ZHX2: variants seen among roughly 807,000 people sequenced by gnomAD.
ZHX2 encodes the protein zinc fingers and homeoboxes 2, also known as zinc fingers and homeoboxes protein 2.
In ZHX2, 6 loss-of-function variants were observed where a neutral mutation model predicts 21.9. That is an observed-to-expected ratio of 0.27 (90% CI 0.15 to 0.54). ZHX2 has a LOEUF of 0.54. ZHX2 is among the 20% of genes least tolerant of loss of function. ZHX2 has a pLI of 0.95. For missense variants in ZHX2, 908 were observed against 1,090.7 expected (o/e 0.83, Z 2.36); for synonymous variants, 434 against 437.1 (o/e 0.99, Z 0.09).
intron 1 of ZHX2, among the ~76,000 whole-genome samples, chr8:122,817,391 G>A (rs761182071): frequency 6.6e-6 from 1 of 152,168 alleles, no homozygotes; most frequent in African/African-American, 2.4e-5. Flanking sequence ...GCCGTATGAG[G>A]CACTAGGAAG....
intron 2 of ZHX2, among the ~76,000 whole-genome samples, chr8:122,869,651 G>C (rs2129681541): frequency 6.6e-6 from 1 of 152,316 alleles, no homozygotes; most frequent in South Asian, 2.1e-4. Context: ...CTGAGGCTCT[G>C]GTCTCCTCTC....
intron 2 of ZHX2, among the ~76,000 whole-genome samples, chr8:122,874,416 T>C (rs1185628719): frequency 6.6e-6 from 1 of 152,148 alleles, no homozygotes; most frequent in Admixed American, 6.5e-5. Flanking sequence ...TACTGCAACT[T>C]CCGCCTCCTG....
intron 2 of ZHX2, among the ~76,000 whole-genome samples, chr8:122,871,155 C>T (rs1819425235): frequency 6.6e-6 from 1 of 152,098 alleles, no homozygotes; most frequent in Non-Finnish European, 1.5e-5. Context: ...TTTAACTTTC[C>T]TGAGCCTCAG....
intron 1 of ZHX2, among the ~76,000 whole-genome samples, chr8:122,838,809 G>A (rs779301917): frequency 2.6e-5 from 4 of 151,946 alleles, no homozygotes; most frequent in Non-Finnish European, 5.9e-5. Flanking sequence ...ACTCCTGACC[G>A]CATGATCTGC....
intron 2 of ZHX2, among the ~76,000 whole-genome samples, chr8:122,914,534 G>A (rs981833897): frequency 7.9e-5 from 12 of 152,244 alleles, no homozygotes; most frequent in Middle Eastern, 3.4e-3. Context: ...CAAAATGCTC[G>A]CCCTGTCCCT....
chr8:122,911,402 G>A (rs1449829451), intron 2 of ZHX2, among the ~76,000 whole-genome samples: 2 of 152,188 alleles, frequency 1.3e-5, no homozygotes, highest in African/African-American at 4.8e-5. Flanking sequence ...CCATCATCAA[G>A]TGTGCCTGCC....
At chr8:122,832,256 A>G (rs146645606) in intron 1 of ZHX2, among the ~76,000 whole-genome samples, 2 of 152,272 alleles carry the variant, frequency 1.3e-5, no homozygotes, top group South Asian at 2.1e-4. Context: ...GACTTAGTAC[A>G]CTGCGGTGAG....
chr8:122,954,856 T>TC (rs1554589323), intron 3 of ZHX2, among the ~76,000 whole-genome samples: 22 of 150,292 alleles, frequency 1.5e-4, no homozygotes, highest in African/African-American at 2.0e-4. Flanking sequence ...TTTTTTTTTT[T>TC]CCCCCCTTTT....
chr8:122,845,676 T>G (rs1282145643), intron 1 of ZHX2, among the ~76,000 whole-genome samples: 2 of 152,198 alleles, frequency 1.3e-5, no homozygotes, highest in African/African-American at 4.8e-5. Context: ...GGTGCTGCAC[T>G]TTGCAGTCTA....
In ZHX2 at chr8:122,951,914, G is replaced by A. The variant is rs376815007; in HGVS notation, c.404G>A (p.Gly135Glu). The A allele has an allele frequency of 5.0e-6, 8 of 1,613,972 alleles. 1 individual carries two copies. The highest frequency in any genetic ancestry group is 3.3e-5 in the South Asian group (3 of 91,064). ...GACCACAACTCCAAGTTCCATCCCG[G>A]GGAGGCCAACTTCAAGCTGAAGTTA... ...LSDHNSKFHP[G>E]EANFKLKLIK... The change falls in exon 3 of 4, where the codon GGG becomes GAG. Residue 135 changes from glycine (G) to glutamate (E), a missense_variant. Gly to Glu is a moderately conservative substitution (Grantham distance 98). Around this residue, in one of 4 missense-constraint regions of ZHX2, gnomAD observed 220 missense variants for 251.4 expected, o/e 0.88. Transcript: ENST00000314393.
intron 2 of ZHX2, among the ~76,000 whole-genome samples, chr8:122,935,865 T>C (rs1425660269): frequency 6.6e-6 from 1 of 152,104 alleles, no homozygotes; most frequent in African/African-American, 2.4e-5. Context: ...CATCACATCA[T>C]TTTGAAAACC....
At chr8:122,792,864 A>G (rs140671649) in intron 1 of ZHX2, among the ~76,000 whole-genome samples, 115 of 152,186 alleles carry the variant, frequency 7.6e-4, no homozygotes, top group African/African-American at 1.3e-3. Context: ...GTGTCCTTAA[A>G]TTTTGCTTCC....
intron 1 of ZHX2, among the ~76,000 whole-genome samples, chr8:122,836,566 G>A (rs1399541216): frequency 1.3e-5 from 2 of 152,186 alleles, no homozygotes; most frequent in Non-Finnish European, 2.9e-5. Flanking sequence ...GGTGCAGGCG[G>A]GCTGAGGCCT....
At chr8:122,942,818 A>G (rs946557768) in intron 2 of ZHX2, among the ~76,000 whole-genome samples, 1 of 152,016 alleles carries the variant, frequency 6.6e-6, no homozygotes, top group African/African-American at 2.4e-5. Flanking sequence ...AGGTCAGGAA[A>G]TGCCACCACC....
intron 1 of ZHX2, among the ~76,000 whole-genome samples, chr8:122,843,111 G>A (rs918775349): frequency 2.0e-5 from 3 of 152,196 alleles, no homozygotes; most frequent in South Asian, 2.1e-4. Context: ...CTGACAGCAT[G>A]GTAACTTTTT....
chr8:122,782,502 C>T lies in ZHX2; in HGVS notation c.-283+556C>T, dbSNP rs372582313. Among the ~76,000 whole-genome samples, 2 of 152,186 alleles carry T rather than the reference C, an allele frequency of 1.3e-5. No homozygotes were observed. Among genetic ancestry groups the T allele is most frequent in the East Asian group, 3.9e-4 (2 of 5,158 alleles). On this transcript the variant is annotated intron_variant, in intron 1 of 3. Coordinates refer to ENST00000314393, the MANE Select transcript of ZHX2 (RefSeq NM_014943.5). This position sits in a 1 kb window ranked among gnomAD's most constrained non-coding sequence, Gnocchi z 5.3. ...AGGCGGGGGGCTGCGTGTGTCTGCT[C>T]CCCTCCCTCCCCCTCTCCCCTCGCT...
At chr8:122,906,666 C>CT (rs771349214) in intron 2 of ZHX2, among the ~76,000 whole-genome samples, 2,229 of 123,362 alleles carry the variant, frequency 0.018, 24 homozygotes, top group Non-Finnish European at 0.023. Context: ...ACATAATTTC[C>CT]TTTTTTTTTT....
chr8:122,904,427 G>A (rs913479706), intron 2 of ZHX2, among the ~76,000 whole-genome samples: 1 of 152,100 alleles, frequency 6.6e-6, no homozygotes, highest in African/African-American at 2.4e-5. Context: ...CAAGTGGGGA[G>A]TAGACTTTCA....
chr8:122,864,719 C>A (rs1170369304), intron 2 of ZHX2, among the ~76,000 whole-genome samples: 1 of 152,074 alleles, frequency 6.6e-6, no homozygotes, highest in African/African-American at 2.4e-5. Flanking sequence ...CACCTGGAAT[C>A]GTGGGCTCTT....
Sources: allele counts gnomAD v4.1 joint callset (sites outside exome capture counted in the v4.1 genomes callset), GRCh38; gene constraint gnomAD v4.1.1; regional missense constraint gnomAD v4.1.1; non-coding constraint Gnocchi (gnomAD v3.1); transcripts MANE v1.5; gene names NCBI Gene and HGNC (gene_info 2026-07-23, HGNC 2026-07-21).